Variants in SRL observed in about 807,000 individuals in gnomAD.
SRL encodes the protein sarcalumenin.
Under a neutral mutation model 39.5 loss-of-function variants are expected in SRL, and 23 were observed. The observed-to-expected ratio is 0.58, with a 90% CI of 0.42 to 0.82. The LOEUF (loss-of-function observed/expected upper bound fraction) is 0.82. Ranked by LOEUF, SRL falls within the 40% of genes least tolerant of loss-of-function variation. The pLI, the probability that SRL is intolerant of heterozygous loss-of-function variation, is 0.00. For synonymous variants in SRL, 272 were observed against 237.4 expected (o/e 1.15, Z -1.34); for missense variants, 592 against 607.8 (o/e 0.97, Z 0.27).
At chr16:4,202,248 T>G (rs1035829365) in intron 3 of SRL, among the ~76,000 whole-genome samples, 5 of 152,332 alleles carry the variant, frequency 3.3e-5, no homozygotes, top group Admixed American at 3.3e-4. Context: ...GAAGAGGAAA[T>G]GCTTGGAAGG....
chr16:4,194,385 T>C (rs1002143248), intron 5 of SRL, among the ~76,000 whole-genome samples: 2 of 152,166 alleles, frequency 1.3e-5, no homozygotes, highest in African/African-American at 2.4e-5. Context: ...CCTACTCTCA[T>C]GTAAGTGAAG....
intron 1 of SRL, among the ~76,000 whole-genome samples, chr16:4,220,362 T>C (rs1372203157): frequency 6.7e-6 from 1 of 149,808 alleles, no homozygotes; most frequent in African/African-American, 2.5e-5. Context: ...GCACGAGAAT[T>C]GCTTGAACCC....
intron 1 of SRL, among the ~76,000 whole-genome samples, chr16:4,238,393 C>A (rs2052735086): frequency 1.3e-5 from 2 of 152,128 alleles, no homozygotes; most frequent in African/African-American, 4.8e-5. Flanking sequence ...CTCTCCCCAG[C>A]CCACTACACC....
intron 1 of SRL, among the ~76,000 whole-genome samples, chr16:4,236,641 C>T (rs2052716818): frequency 6.6e-6 from 1 of 151,766 alleles, no homozygotes; most frequent in African/African-American, 2.4e-5. Context: ...CATAATGACC[C>T]AAACTGAACT....
At chr16:4,203,030 C>G in intron 3 of SRL, 136 bp downstream of exon 3, 1 of 778,330 alleles carries the variant, frequency 1.3e-6, no homozygotes, top group Non-Finnish European at 2.2e-6. Context: ...ACCCACAAGT[C>G]CTTGCACACA....
intron 1 of SRL, among the ~76,000 whole-genome samples, chr16:4,223,837 G>C (rs372252271): frequency 2.6e-5 from 4 of 152,180 alleles, no homozygotes; most frequent in East Asian, 3.8e-4. Flanking sequence ...ACCTGCTTGT[G>C]TGAGGCTGCA....
chr16:4,226,675 TG>T (rs1323638599), intron 1 of SRL, among the ~76,000 whole-genome samples: 1 of 150,658 alleles, frequency 6.6e-6, no homozygotes, highest in South Asian at 2.1e-4. Context: ...GGATGATGGA[TG>T]GTTGAATGTG....
In SRL at chr16:4,192,351, A is replaced by G. The variant is rs369690868; in HGVS notation, c.1224T>C (p.Asn408=). ...AGAGCAGTTTGAAACTGGAAATGGG[A>G]TTGATGCCGAAGAAGTCCTTATAGG... ...REAYKDFFGI[N]PISSFKLLSQ... The change falls in exon 6 of 6, where the codon AAT becomes AAC. Residue 408 remains asparagine, a synonymous_variant. Coordinates refer to ENST00000399609, the MANE Select transcript of SRL (RefSeq NM_001098814.2). This position sits in a 1 kb window ranked among gnomAD's most constrained non-coding sequence, Gnocchi z 4.0. 74 of 1,614,184 alleles carry G rather than the reference A, an allele frequency of 4.6e-5. No homozygotes were observed. The African/African-American group carries it at 6.9e-4, about 15-fold the overall frequency.
At chr16:4,227,562 G>C (rs2141062995) in intron 1 of SRL, among the ~76,000 whole-genome samples, 1 of 152,238 alleles carries the variant, frequency 6.6e-6, no homozygotes, top group African/African-American at 2.4e-5. Flanking sequence ...TGGATGGATG[G>C]ATTGGTGGAC....
In SRL at chr16:4,190,451, C is replaced by T. The variant is rs181684790; in HGVS notation, c.*1702G>A. On this transcript the variant is annotated 3_prime_UTR_variant, in exon 6 of 6. Transcript: ENST00000399609. ...TACAAAGGAGCCCCTCGAGGCAGCC[C>T]GGGCTGGGTCTCCTGGGCATGCACA... is the stretch of plus-strand genomic sequence containing the variant. 6.3e-5 allele frequency: 25 copies of T among 398,676 alleles called. No individual in the cohort carries two copies. Among genetic ancestry groups the T allele is most frequent in the Middle Eastern group, 6.3e-4 (1 of 1,590 alleles). 24.7% of individuals were successfully genotyped at this position (398,676 alleles called of 1,614,324 possible).
chr16:4,194,684 G>A (rs1597264772), intron 5 of SRL, among the ~76,000 whole-genome samples: 1 of 152,122 alleles, frequency 6.6e-6, no homozygotes, highest in East Asian at 1.9e-4. Flanking sequence ...TTGCAGAGAG[G>A]ACTAGGCCCC....
intron 1 of SRL, among the ~76,000 whole-genome samples, chr16:4,239,017 C>T (rs7201794): frequency 2.6e-5 from 4 of 152,134 alleles, no homozygotes; most frequent in East Asian, 1.9e-4. Context: ...CAGGCTTGCC[C>T]GGCTGCACCA....
intron 1 of SRL, among the ~76,000 whole-genome samples, chr16:4,241,288 C>T (rs1026689722): frequency 1.3e-5 from 2 of 152,108 alleles, no homozygotes; most frequent in East Asian, 3.8e-4. Flanking sequence ...ATAGATAACC[C>T]CCATGCTGCA....
chr16:4,207,111 G>A (rs914388243), intron 1 of SRL: 5 of 456,082 alleles, frequency 1.1e-5, no homozygotes, highest in Admixed American at 2.4e-5. Flanking sequence ...CTGGGGCTCC[G>A]TGGCCTCCTC....
rs1195918643 is a variant in SRL at position 4,191,479 on chromosome 16, G to C, written c.*674C>G. The C allele has an allele frequency of 6.6e-6, 1 of 152,400 alleles. No individual in the cohort carries two copies. Among genetic ancestry groups the C allele is most frequent in the Non-Finnish European group, 1.5e-5 (1 of 68,208 alleles). 9.4% of individuals were successfully genotyped at this position (152,400 alleles called of 1,614,324 possible). A position where few individuals can be genotyped will look rare whatever the true frequency, so the allele number is the denominator to read the frequency against. ...AATACAAAAATTGGCTGGGCATGGT[G>C]GTAGGCCTATAATCTCAGCTACTCA... On this transcript the variant is annotated 3_prime_UTR_variant, in exon 6 of 6. Transcript: ENST00000399609.
chr16:4,207,633 C>G (rs1166313126), intron 1 of SRL: 1 of 440,436 alleles, frequency 2.3e-6, no homozygotes, highest in African/African-American at 2.0e-5. Flanking sequence ...TTCATGGCCC[C>G]CAGCCTGTCC....
intron 1 of SRL, chr16:4,207,277 G>C: frequency 2.2e-6 from 1 of 456,892 alleles, no homozygotes; most frequent in South Asian, 1.5e-5. Context: ...GTCATCTCTG[G>C]GGACTGGTTC....
chr16:4,211,790 A>G (rs988247510), intron 1 of SRL, among the ~76,000 whole-genome samples: 1 of 152,044 alleles, frequency 6.6e-6, no homozygotes, highest in African/African-American at 2.4e-5. Flanking sequence ...TATGCTGATG[A>G]TGAGGATCGT....
At chr16:4,224,079 C>T (rs1219933661) in intron 1 of SRL, among the ~76,000 whole-genome samples, 2 of 151,876 alleles carry the variant, frequency 1.3e-5, no homozygotes, top group African/African-American at 4.8e-5. Context: ...CAGAGCTGCC[C>T]AGGGAGCACA....
Sources: allele counts gnomAD v4.1 joint callset (sites outside exome capture counted in the v4.1 genomes callset), GRCh38; gene constraint gnomAD v4.1.1; non-coding constraint Gnocchi (gnomAD v3.1); transcripts MANE v1.5; gene names NCBI Gene and HGNC (gene_info 2026-07-23, HGNC 2026-07-21).